VMAC: variants seen among roughly 807,000 people sequenced by gnomAD.
VMAC encodes the protein vimentin type intermediate filament associated coiled-coil protein, also known as vimentin-type intermediate filament-associated coiled-coil protein.
A neutral mutation model predicts 4.8 loss-of-function variants in VMAC; 8 were observed. The ratio of observed to expected loss-of-function variants is 1.68; its 90% confidence interval spans 0.99 to 3.03. VMAC has a LOEUF of 3.03. VMAC is among the 30% of genes most tolerant of loss of function. The probability of loss-of-function intolerance (pLI) is 0.00; values close to 1 mark genes in which losing one functional copy is unlikely to be tolerated. For synonymous variants in VMAC, 96 were observed against 113.7 expected (o/e 0.84, Z 0.99); for missense variants, 248 against 245.1 (o/e 1.01, Z -0.08).
chr19:5,907,898 C>A (rs895009510), intron 1 of VMAC, among the ~76,000 whole-genome samples: 1 of 152,078 alleles, frequency 6.6e-6, no homozygotes, highest in Admixed American at 6.6e-5. Context: ...GTAAGTTTCC[C>A]GAGGCCACCC....
chr19:5,906,435 ATTCG>A (rs2057679272), intron 1 of VMAC, among the ~76,000 whole-genome samples: 1 of 152,164 alleles, frequency 6.6e-6, no homozygotes, highest in Non-Finnish European at 1.5e-5. Flanking sequence ...GCACTCATTC[ATTCG>A]TCTTCATTGA....
rs1015606894 is a variant in VMAC, at chr19:5,909,335, T to C, written c.*193T>C. The C allele has an allele frequency of 1.3e-5, 7 of 558,856 alleles. No homozygotes were observed. The highest frequency in any genetic ancestry group is 3.9e-5 in the Admixed American group (1 of 25,476). The allele number at this position is 558,856 out of a possible 1,614,324, so 34.6% of individuals were successfully genotyped here. A position where few individuals can be genotyped will look rare whatever the true frequency, so the allele number is the denominator to read the frequency against. ...CAGACGTTTAACCCAGACAGAAGTG[T>C]TCTTGTTTGTTTTTAAGCTTTGAAT... On this transcript the variant is annotated 3_prime_UTR_variant, in exon 2 of 2. Transcript: ENST00000339485.
rs1057344232 is a variant in VMAC at position 5,905,015 on chromosome 19, A to G, written c.125A>G (p.Glu42Gly). Reference protein sequence around the residue: ...AAERTVHAQAERLALHDQQLR... With the variant: ...AAERTVHAQAGRLALHDQQLR... The stretch of plus-strand genomic sequence containing the variant: ...GAGCGCACGGTGCACGCCCAAGCCG[A>G]GCGCCTGGCCCTCCACGACCAGCAG... The change falls in exon 1 of 2, where the codon GAG becomes GGG. Residue 42 changes from glutamate to glycine, a missense_variant. Physicochemically the swap from Glu to Gly is moderately conservative, Grantham distance 98. Coordinates refer to ENST00000339485, the MANE Select transcript of VMAC (RefSeq NM_001017921.4). The G allele has an allele frequency of 7.0e-7, 1 of 1,419,402 alleles. No homozygotes were observed. The highest frequency in any genetic ancestry group is 1.5e-5 in the South Asian group (1 of 67,782). 87.9% of individuals were successfully genotyped at this position (1,419,402 alleles called of 1,614,324 possible).
At position 5,908,473 on chromosome 19, in the gene VMAC, G is replaced by A. The variant is rs558638518; in HGVS notation, c.192-351G>A. Among the ~76,000 whole-genome samples the A allele has an allele frequency of 1.5e-3, 223 of 152,092 alleles. No homozygotes were observed. The highest frequency in any genetic ancestry group is 2.8e-3 in the Non-Finnish European group (189 of 67,970). ...CTACTGAAGATACAAAAAACTAGCC[G>A]GGCATAGTGGTGGGCACCTGTAATC... On this transcript the variant is annotated intron_variant, in intron 1 of 1. Coordinates refer to ENST00000339485, the MANE Select transcript of VMAC (RefSeq NM_001017921.4). This position sits in a 1 kb window ranked among gnomAD's most constrained non-coding sequence, Gnocchi z 4.5.
chr19:5,908,997 C>T lies in VMAC; in HGVS notation c.365C>T (p.Ala122Val). Residue 122 changes from alanine to valine, a missense_variant, in exon 2 of 2, where the codon GCT becomes GTT. Coordinates refer to ENST00000339485, the MANE Select transcript of VMAC (RefSeq NM_001017921.4). The surrounding 1 kb of genome is among the most constrained non-coding windows in gnomAD (Gnocchi z 4.5). The part of the protein sequence containing the change: ...PPLAGLLDAL[A>V]EAERLGPLPA... ...CTGGCTGGGCTGCTGGATGCCCTGG[C>T]TGAGGCTGAGCGCCTGGGGCCCCTG... is the stretch of plus-strand genomic sequence containing the variant. The T allele has an allele frequency of 6.2e-7, 1 of 1,604,990 alleles. No individual in the cohort carries two copies. Among genetic ancestry groups the T allele is most frequent in the South Asian group, 1.1e-5 (1 of 90,340 alleles).
At position 5,908,957 on chromosome 19, in the gene VMAC, C is replaced by T. The variant is rs137868133; in HGVS notation, c.325C>T (p.Arg109Cys). 4,173 of 1,612,976 alleles carry T rather than the reference C, an allele frequency of 2.6e-3. 12 individuals carry two copies. Among genetic ancestry groups the T allele is most frequent in the Non-Finnish European group, 3.3e-3 (3,882 of 1,179,642 alleles). Residue 109 changes from arginine to cysteine, a missense_variant, in exon 2 of 2, where the codon CGC (arginine) becomes TGC (cysteine). Physicochemically the swap from Arg to Cys is radical, Grantham distance 180. Transcript: ENST00000339485. This position sits in a 1 kb window ranked among gnomAD's most constrained non-coding sequence, Gnocchi z 4.5. ...PRAELLQDIC[R>C]RRPPLAGLLD... Reference sequence around the variant, plus strand: ...GGCTGAGCTGCTGCAGGACATCTGCCGCCGCCGGCCACCCCTGGCTGGGCT... The same window carrying T: ...GGCTGAGCTGCTGCAGGACATCTGCTGCCGCCGGCCACCCCTGGCTGGGCT...
At position 5,908,801 on chromosome 19, in the gene VMAC, ACCT is replaced by A. The variant is rs1599702106; in HGVS notation, c.192-18_192-16del. Reference sequence around the variant, plus strand: ...TGCTGTGGTCCTCAGTTCTGTAATCACCTCCTCTTGCCTTCCTGCCAGTGAGAT... The same window carrying A: ...TGCTGTGGTCCTCAGTTCTGTAATCACCTCTTGCCTTCCTGCCAGTGAGAT... On this transcript the variant is annotated intron_variant, in intron 1 of 1. Transcript: ENST00000339485. This position sits in a 1 kb window ranked among gnomAD's most constrained non-coding sequence, Gnocchi z 4.5. The A allele has an allele frequency of 6.2e-7, 1 of 1,611,592 alleles. No homozygotes were observed. The highest frequency in any genetic ancestry group is 8.5e-7 in the Non-Finnish European group (1 of 1,179,300).
At chr19:5,907,908 C>G (rs371487041) in intron 1 of VMAC, among the ~76,000 whole-genome samples, 1 of 152,106 alleles carries the variant, frequency 6.6e-6, no homozygotes, top group Non-Finnish European at 1.5e-5. Context: ...CGAGGCCACC[C>G]CCAGCCATGT....
chr19:5,906,092 A>G (rs2057678102), intron 1 of VMAC, among the ~76,000 whole-genome samples: 1 of 151,522 alleles, frequency 6.6e-6, no homozygotes, highest in African/African-American at 2.4e-5. Flanking sequence ...CAGCCTCTCA[A>G]GTAGCTGGGA....
chr19:5,908,485 G>A lies in VMAC; in HGVS notation c.192-339G>A, dbSNP rs2057686656. Among the ~76,000 whole-genome samples the A allele has an allele frequency of 6.6e-6, 1 of 151,936 alleles. No individual in the cohort carries two copies. The highest frequency in any genetic ancestry group is 6.6e-5 in the Admixed American group (1 of 15,226). On this transcript the variant is annotated intron_variant, in intron 1 of 1. Coordinates refer to ENST00000339485, the MANE Select transcript of VMAC (RefSeq NM_001017921.4). The surrounding 1 kb of genome is among the most constrained non-coding windows in gnomAD (Gnocchi z 4.5). ...CAAAAAACTAGCCGGGCATAGTGGT[G>A]GGCACCTGTAATCCCAGCTACTAGG...
In VMAC at chr19:5,909,143, G is replaced by A. The variant is rs1199502441; in HGVS notation, c.*1G>A. 1.3e-6 allele frequency: 2 copies of A among 1,534,256 alleles called. No homozygotes were observed. Among genetic ancestry groups the A allele is most frequent in the Admixed American group, 2.1e-5 (1 of 47,840 alleles). On this transcript the variant is annotated 3_prime_UTR_variant, in exon 2 of 2. Coordinates refer to ENST00000339485, the MANE Select transcript of VMAC (RefSeq NM_001017921.4). ...TGCAGTGTTTGGGACCACAGTGTGA[G>A]CCCGGAATGCAGATTACAGAATGGA... is the stretch of plus-strand genomic sequence containing the variant.
At position 5,905,048 on chromosome 19, in the gene VMAC, C is replaced by T; in HGVS notation, c.158C>T (p.Ala53Val). ...RLALHDQQLR[A>V]ALDELGRAKD... The stretch of plus-strand genomic sequence containing the variant: ...GCCCTCCACGACCAGCAGCTGCGCG[C>T]CGCCCTAGACGAACTGGGTCGCGCC... Residue 53 changes from alanine to valine, a missense_variant, in exon 1 of 2, where the codon GCC becomes GTC. Transcript: ENST00000339485. 1 of 1,373,364 alleles carries T rather than the reference C, an allele frequency of 7.3e-7. No homozygotes were observed. Among genetic ancestry groups the T allele is most frequent in the South Asian group, 1.7e-5 (1 of 58,952 alleles). 85.1% of individuals were successfully genotyped at this position (1,373,364 alleles called of 1,614,324 possible).
At position 5,910,357 on chromosome 19, in the gene VMAC, T is replaced by C. The variant is rs2057693453; in HGVS notation, c.*1215T>C. On this transcript the variant is annotated 3_prime_UTR_variant, in exon 2 of 2. Transcript: ENST00000339485. ...CACTCTCTACAGCGATTGCATCTAATCTTCGAGTTTCCCTGTAGACACAGG... is the reference window on the plus strand; with the variant it reads ...CACTCTCTACAGCGATTGCATCTAACCTTCGAGTTTCCCTGTAGACACAGG... 6.6e-6 allele frequency: 1 copy of C among 152,182 alleles called. No homozygotes were observed. 9.4% of individuals were successfully genotyped at this position (152,182 alleles called of 1,614,324 possible).
At chr19:5,905,302 T>C (rs928005013) in intron 1 of VMAC, among the ~76,000 whole-genome samples, 4 of 152,222 alleles carry the variant, frequency 2.6e-5, no homozygotes, top group African/African-American at 9.7e-5. Context: ...ACAGGCCCAC[T>C]TTCCCACAGG....
intron 1 of VMAC, 27 bp downstream of exon 1, chr19:5,905,108 CTT>C (rs2144968950): frequency 3.7e-6 from 5 of 1,335,950 alleles, no homozygotes; most frequent in Non-Finnish European, 4.8e-6. Flanking sequence ...GCCAGGTGGA[CTT>C]CACCGAGGCG....
chr19:5,906,576 G>A lies in VMAC; in HGVS notation c.191+1495G>A, dbSNP rs375348054. 5.3e-5 allele frequency among the ~76,000 whole-genome samples: 8 copies of A among 152,292 alleles called. No homozygotes were observed. In the East Asian group the frequency reaches 1.2e-3, roughly 22 times the overall value. On this transcript the variant is annotated intron_variant, in intron 1 of 1. Coordinates refer to ENST00000339485, the MANE Select transcript of VMAC (RefSeq NM_001017921.4). ...TCACTGGGCAGTTACATCATTGGTG[G>A]CCAGCGGCCATGATGGAGGGGCATA...
rs528567744 is a variant in VMAC, at chr19:5,909,027, C to A, written c.395C>A (p.Ala132Asp). ...AEAERLGPLP[A>D]SDPGHPPPGG... Reference sequence around the variant, plus strand: ...GCTGAGCGCCTGGGGCCCCTGCCGGCCAGTGACCCCGGCCACCCACCCCCC... The same window carrying A: ...GCTGAGCGCCTGGGGCCCCTGCCGGACAGTGACCCCGGCCACCCACCCCCC... Residue 132 changes from alanine (A) to aspartate (D), a missense_variant, in exon 2 of 2, where the codon GCC (alanine) becomes GAC (aspartate). By Grantham distance (126) the Ala-to-Asp change is moderately radical (BLOSUM62 -2). Transcript: ENST00000339485. The A allele has an allele frequency of 4.9e-5, 77 of 1,581,588 alleles. 2 individuals carry two copies. In the South Asian group the frequency reaches 8.3e-4, roughly 17 times the overall value.
Position 5,908,839 on chromosome 19 carries a change from C to T in VMAC, c.207C>T (p.Leu69=), listed in dbSNP as rs116353040. 1.6e-3 allele frequency: 2,602 copies of T among 1,613,752 alleles called. 31 individuals are homozygous for T. The African/African-American group carries it at 0.031, about 19-fold the overall frequency. Residue 69 remains leucine (L), a synonymous_variant, in exon 2 of 2, where the codon CTC becomes CTT. Transcript: ENST00000339485. This position sits in a 1 kb window ranked among gnomAD's most constrained non-coding sequence, Gnocchi z 4.5. ...GRAKDREIAT[L]QEQLMTSEAT... ...TTCCTGCCAGTGAGATTGCCACACT[C>T]CAGGAGCAGCTGATGACCTCAGAAG...
intron 1 of VMAC, among the ~76,000 whole-genome samples, chr19:5,906,213 T>C (rs2057678556): frequency 6.6e-6 from 1 of 152,038 alleles, no homozygotes; most frequent in Non-Finnish European, 1.5e-5. Context: ...CAAGTGATCC[T>C]CCTGCCTCAG....
Sources: gnomAD v4.1 joint callset for allele counts (sites outside exome capture counted in the v4.1 genomes callset) on GRCh38, gnomAD v4.1.1 for gene constraint, Gnocchi (gnomAD v3.1) non-coding constraint, MANE v1.5 for transcripts, NCBI Gene and HGNC (gene_info 2026-07-23, HGNC 2026-07-21) for gene names.